The following GPR139 variants were observed in gnomAD, a reference collection of about 807,000 sequenced individuals.
The protein encoded by GPR139 is probable G protein-coupled receptor 139.
GPR139 carries 12 observed loss-of-function variants against 25.8 expected under a neutral mutation model. That is an observed-to-expected ratio of 0.47 (90% CI 0.30 to 0.75). The LOEUF (loss-of-function observed/expected upper bound fraction) is 0.75. Among genes scored for constraint, GPR139 ranks in the 30% least tolerant of loss-of-function variants. GPR139 has a pLI of 0.07. For missense variants in GPR139, 380 were observed against 450.2 expected (o/e 0.84, Z 1.41); for synonymous variants, 184 against 179.9 (o/e 1.02, Z -0.18).
intron 1 of GPR139, among the ~76,000 whole-genome samples, chr16:20,063,676 C>A (rs1374419317): frequency 2.0e-5 from 3 of 152,156 alleles, no homozygotes; most frequent in Admixed American, 6.5e-5. Flanking sequence ...ACAAAACAAA[C>A]CAAAAATATC....
In GPR139 at chr16:20,073,588, G is replaced by C. The variant is rs766414100; in HGVS notation, c.29C>G (p.Ala10Gly). 1 of 1,610,708 alleles carries C rather than the reference G, an allele frequency of 6.2e-7. No individual in the cohort carries two copies. The highest frequency in any genetic ancestry group is 8.5e-7 in the Non-Finnish European group (1 of 1,178,778). Residue 10 changes from alanine to glycine, a missense_variant, in exon 1 of 2, where the codon GCC (alanine) becomes GGC (glycine). Coordinates refer to ENST00000570682, the MANE Select transcript of GPR139 (RefSeq NM_001002911.4). The surrounding 1 kb of genome is among the most constrained non-coding windows in gnomAD (Gnocchi z 4.7). MEHTHAHLA[A>G]NSSLSWWSPG... is the part of the protein sequence containing the mutation. ...GGACCACCAAGACAGCGAGCTGTTG[G>C]CTGCGAGGTGGGCGTGCGTGTGCTC...
At position 20,029,122 on chromosome 16, in the gene GPR139, A is replaced by G. The variant is rs986203782; in HGVS notation, c.*2613T>C. ...CATTTTAAGCAGAAGACAGCAATTC[A>G]CTACAGTGCCTTCAAGAATTGGACC... On this transcript the variant is annotated 3_prime_UTR_variant, in exon 2 of 2. Transcript: ENST00000570682. Among the ~76,000 whole-genome samples, 1 of 152,224 alleles carries G rather than the reference A, an allele frequency of 6.6e-6. No homozygotes were observed. Among genetic ancestry groups the G allele is most frequent in the Non-Finnish European group, 1.5e-5 (1 of 68,036 alleles).
chr16:20,071,487 T>A (rs2057459197), intron 1 of GPR139, among the ~76,000 whole-genome samples: 1 of 152,242 alleles, frequency 6.6e-6, no homozygotes, highest in Admixed American at 6.5e-5. Context: ...GGACTTTGTG[T>A]CCTTTTGACA....
intron 1 of GPR139, among the ~76,000 whole-genome samples, chr16:20,054,079 T>G (rs922331853): frequency 6.6e-6 from 1 of 152,300 alleles, no homozygotes; most frequent in Non-Finnish European, 1.5e-5. Flanking sequence ...CAGTCTTGTT[T>G]AGGGCCACAT....
intron 1 of GPR139, among the ~76,000 whole-genome samples, chr16:20,041,089 G>A (rs1236011946): frequency 7.3e-6 from 1 of 137,494 alleles, no homozygotes; most frequent in African/African-American, 2.9e-5. Context: ...CAGCCTGGGC[G>A]ACAGAGTGAG....
rs532715074 is a variant in GPR139, at chr16:20,052,594, C to G, written c.128-19925G>C. On this transcript the variant is annotated intron_variant, in intron 1 of 1. Coordinates refer to ENST00000570682, the MANE Select transcript of GPR139 (RefSeq NM_001002911.4). ...GGGCGGATCACGAGGTCAGGAGATC[C>G]AGACCATCCTGGCTAACACGGTGAA... Among the ~76,000 whole-genome samples, 3 of 152,140 alleles carry G rather than the reference C, an allele frequency of 2.0e-5. No individual in the cohort carries two copies. The East Asian group carries it at 5.8e-4, about 30-fold the overall frequency.
intron 1 of GPR139, among the ~76,000 whole-genome samples, chr16:20,033,499 G>A (rs920914403): frequency 6.6e-6 from 1 of 152,150 alleles, no homozygotes; most frequent in Non-Finnish European, 1.5e-5. Context: ...ATATGGGGCT[G>A]AGGTGGCATT....
intron 1 of GPR139, among the ~76,000 whole-genome samples, chr16:20,036,805 T>C (rs1283481837): frequency 6.6e-6 from 1 of 152,082 alleles, no homozygotes; most frequent in Non-Finnish European, 1.5e-5. Flanking sequence ...GTTCTGAGGG[T>C]TAAGTGAGAT....
At chr16:20,035,034 T>C (rs1305248909) in intron 1 of GPR139, among the ~76,000 whole-genome samples, 2 of 152,158 alleles carry the variant, frequency 1.3e-5, no homozygotes, top group African/African-American at 2.4e-5. Context: ...TGTTTTAGAG[T>C]ATGTGCATCC....
At position 20,046,715 on chromosome 16, in the gene GPR139, G is replaced by A. The variant is rs565818037; in HGVS notation, c.128-14046C>T. On this transcript the variant is annotated intron_variant, in intron 1 of 1. Transcript: ENST00000570682. The stretch of plus-strand genomic sequence containing the variant: ...GGGGAGATTGAGGAGAACGGCACTC[G>A]AGGATCTGGGAATGGTAGGGACTGT... Among the ~76,000 whole-genome samples the A allele has an allele frequency of 3.9e-5, 6 of 152,264 alleles. No homozygotes were observed. The East Asian group carries it at 7.7e-4, about 20-fold the overall frequency.
At position 20,029,470 on chromosome 16, in the gene GPR139, A is replaced by AAAATAAAT. The variant is rs1214365023; in HGVS notation, c.*2257_*2264dup. ...GCATTTTTCAGAGCTACATGTTTAA[A>AAAATAAAT]AAATAAATAAATAAATATATATATA... On this transcript the variant is annotated 3_prime_UTR_variant, in exon 2 of 2. Transcript: ENST00000570682. Among the ~76,000 whole-genome samples, 704 of 136,756 alleles carry AAAATAAAT rather than the reference A, an allele frequency of 5.1e-3. 6 individuals carry two copies. The highest frequency in any genetic ancestry group is 0.033 in the East Asian group (151 of 4,594). 89.7% of individuals were successfully genotyped at this position (136,756 alleles called of 152,430 possible).
intron 1 of GPR139, among the ~76,000 whole-genome samples, chr16:20,060,626 G>T (rs2057409397): frequency 1.3e-5 from 2 of 152,200 alleles, no homozygotes; most frequent in South Asian, 2.1e-4. Flanking sequence ...AGAAAGAAAA[G>T]AAGTCATTAG....
At chr16:20,071,976 T>G (rs1231616373) in intron 1 of GPR139, among the ~76,000 whole-genome samples, 2 of 152,150 alleles carry the variant, frequency 1.3e-5, no homozygotes, top group East Asian at 3.9e-4. Context: ...CTTACACTTT[T>G]CCAGTTCAGC....
Position 20,029,839 on chromosome 16 carries a change from C to A in GPR139, c.*1896G>T, listed in dbSNP as rs543777862. 6.6e-6 allele frequency among the ~76,000 whole-genome samples: 1 copy of A among 152,172 alleles called. No individual in the cohort carries two copies. The highest frequency in any genetic ancestry group is 1.5e-5 in the Non-Finnish European group (1 of 68,026). On this transcript the variant is annotated 3_prime_UTR_variant, in exon 2 of 2. Transcript: ENST00000570682. ...GTCCCTAAATGAGAGCCAATTCTGTCTTGTCATCAACCAGAGAAACAGCAA... is the reference window on the plus strand; with the variant it reads ...GTCCCTAAATGAGAGCCAATTCTGTATTGTCATCAACCAGAGAAACAGCAA...
chr16:20,068,236 C>CAAAAAAAAAAAAAAAAAAAAAAAAAAGA (rs10534277), intron 1 of GPR139, among the ~76,000 whole-genome samples: 1 of 109,050 alleles, frequency 9.2e-6, no homozygotes, highest in South Asian at 2.9e-4. Flanking sequence ...CTATTTAATG[C>CAAAAAAAAAAAAAAAAAAAAAAAAAAGA]AAAAAAAAAA....
chr16:20,054,025 G>A (rs1468097008), intron 1 of GPR139, among the ~76,000 whole-genome samples: 1 of 152,074 alleles, frequency 6.6e-6, no homozygotes, highest in African/African-American at 2.4e-5. Context: ...GTTTCTTTGT[G>A]TGCTCATCCT....
chr16:20,034,721 A>G (rs1449542512), intron 1 of GPR139, among the ~76,000 whole-genome samples: 2 of 152,012 alleles, frequency 1.3e-5, no homozygotes, highest in African/African-American at 4.8e-5. Flanking sequence ...TTTCTTTTAT[A>G]CTGAAACTGC....
chr16:20,032,927 G>A (rs559831339), intron 1 of GPR139, among the ~76,000 whole-genome samples: 1 of 152,160 alleles, frequency 6.6e-6, no homozygotes, highest in Non-Finnish European at 1.5e-5. Flanking sequence ...TGAAACTGGG[G>A]CTCTGAGAGC....
chr16:20,038,773 G>A lies in GPR139; in HGVS notation c.128-6104C>T, dbSNP rs115747763. On this transcript the variant is annotated intron_variant, in intron 1 of 1. Coordinates refer to ENST00000570682, the MANE Select transcript of GPR139 (RefSeq NM_001002911.4). ...TCTGAAAAAGAAATGAAAAGGTAGA[G>A]CCTTCAACTCTTAAAAGCTTGACAT... is the stretch of plus-strand genomic sequence containing the variant. Among the ~76,000 whole-genome samples the A allele has an allele frequency of 8.0e-3, 1,213 of 152,240 alleles. 19 individuals carry two copies. Among genetic ancestry groups the A allele is most frequent in the African/African-American group, 0.028 (1,149 of 41,540 alleles).
Sources: allele counts gnomAD v4.1 joint callset (sites outside exome capture counted in the v4.1 genomes callset), GRCh38; gene constraint gnomAD v4.1.1; non-coding constraint Gnocchi (gnomAD v3.1); transcripts MANE v1.5; gene names NCBI Gene and HGNC (gene_info 2026-07-23, HGNC 2026-07-21).